The following KCNJ6 variants were observed in gnomAD, a reference collection of about 807,000 sequenced individuals.
KCNJ6 encodes G protein-activated inward rectifier potassium channel 2.
In KCNJ6, 9 loss-of-function variants were observed where a neutral mutation model predicts 34.2. That is an observed-to-expected ratio of 0.26 (90% CI 0.16 to 0.46). The LOEUF (loss-of-function observed/expected upper bound fraction) is 0.46, where lower values mean the gene tolerates loss of function less well. Ranked by LOEUF, KCNJ6 falls within the 20% of genes least tolerant of loss-of-function variation. The probability of loss-of-function intolerance (pLI) is 1.00; values close to 1 mark genes in which losing one functional copy is unlikely to be tolerated. For synonymous variants in KCNJ6, 196 were observed against 207.1 expected, an observed-to-expected ratio of 0.95 and a Z score of 0.46; for missense variants, 236 against 531.3, an observed-to-expected ratio of 0.44 and a Z score of 5.46.
chr21:37,791,362 C>T (rs952166559), intron 2 of KCNJ6, among the ~76,000 whole-genome samples: 2 of 152,234 alleles, frequency 1.3e-5, no homozygotes, highest in African/African-American at 4.8e-5. Context: ...GCACTTTCAT[C>T]ATCTGACTAT....
chr21:37,905,378 G>A (rs138736196), intron 1 of KCNJ6, among the ~76,000 whole-genome samples: 31 of 152,230 alleles, frequency 2.0e-4, no homozygotes, highest in African/African-American at 5.5e-4. Flanking sequence ...GTACCATGCC[G>A]ATGCGTGGCG....
At chr21:37,729,433 C>A (rs1438884827) in intron 2 of KCNJ6, among the ~76,000 whole-genome samples, 1 of 152,166 alleles carries the variant, frequency 6.6e-6, no homozygotes, top group Non-Finnish European at 1.5e-5. Context: ...AAGCAATCCT[C>A]CCACCTCAGC....
intron 3 of KCNJ6, among the ~76,000 whole-genome samples, chr21:37,699,682 G>C (rs1303734452): frequency 1.3e-5 from 2 of 152,170 alleles, no homozygotes. Context: ...CTTTAAAAAG[G>C]GGCACAGGGA....
intron 3 of KCNJ6, among the ~76,000 whole-genome samples, chr21:37,644,357 T>C (rs1321849850): frequency 6.6e-6 from 1 of 152,212 alleles, no homozygotes. Context: ...AACCTGCACA[T>C]GTACCCCTGA....
At chr21:37,734,847 G>T (rs922170431) in intron 2 of KCNJ6, among the ~76,000 whole-genome samples, 1 of 152,096 alleles carries the variant, frequency 6.6e-6, no homozygotes, top group African/African-American at 2.4e-5. Context: ...ATATATAATT[G>T]CTTAAATGTG....
At chr21:37,841,007 G>T (rs1249884810) in intron 1 of KCNJ6, among the ~76,000 whole-genome samples, 1 of 152,066 alleles carries the variant, frequency 6.6e-6, no homozygotes, top group Non-Finnish European at 1.5e-5. Context: ...TTTGACACTG[G>T]ATTTTTGACA....
At chr21:37,792,786 C>T (rs555884762) in intron 2 of KCNJ6, among the ~76,000 whole-genome samples, 2 of 152,288 alleles carry the variant, frequency 1.3e-5, no homozygotes, top group South Asian at 4.1e-4. Flanking sequence ...GTAAAGATTA[C>T]AGGACAGAAG....
chr21:37,672,181 TC>T (rs2054545322), intron 3 of KCNJ6, among the ~76,000 whole-genome samples: 1 of 152,098 alleles, frequency 6.6e-6, no homozygotes, highest in African/African-American at 2.4e-5. Context: ...CATCTGCTTG[TC>T]CCCAGTGATT....
In KCNJ6 at chr21:37,617,127, CCTT is replaced by C. The variant is rs1468566689; in HGVS notation, c.*8029_*8031del. The C allele has an allele frequency of 8.1e-6, 1 of 122,922 alleles. No individual in the cohort carries two copies. The highest frequency in any genetic ancestry group is 1.7e-5 in the Non-Finnish European group (1 of 60,490). 7.6% of individuals were successfully genotyped at this position (122,922 alleles called of 1,614,324 possible). A position where few individuals can be genotyped will look rare whatever the true frequency, so the allele number is the denominator to read the frequency against. ...TTCTTTCTTTCCTTCTTCCTTCCTT[CCTT>C]CTTTCTTTCCTTCCTTCCTTCCTTC... On this transcript the variant is annotated 3_prime_UTR_variant, in exon 4 of 4. Transcript: ENST00000609713.
chr21:37,649,132 C>CAA lies in KCNJ6; in HGVS notation c.947-23650_947-23649dup, dbSNP rs1169306298. On this transcript the variant is annotated intron_variant, in intron 3 of 3. Transcript: ENST00000609713. ...TGGGTGACAGAGTGAGACTCCATCT[C>CAA]AAAAAAAAAAAAAAAAAAAAAAGAA... Among the ~76,000 whole-genome samples, 246 of 39,508 alleles carry CAA rather than the reference C, an allele frequency of 6.2e-3. 1 individual carries two copies. The highest frequency in any genetic ancestry group is 0.013 in the African/African-American group (150 of 11,624). 25.9% of individuals were successfully genotyped at this position (39,508 alleles called of 152,430 possible). A position where few individuals can be genotyped will look rare whatever the true frequency, so the allele number is the denominator to read the frequency against.
chr21:37,857,987 C>A (rs1305895421), intron 1 of KCNJ6, among the ~76,000 whole-genome samples: 1 of 151,994 alleles, frequency 6.6e-6, no homozygotes, highest in Non-Finnish European at 1.5e-5. Flanking sequence ...AAATATCAAA[C>A]TGAAAATGAC....
chr21:37,717,806 CA>C (rs2054801643), intron 2 of KCNJ6, among the ~76,000 whole-genome samples: 1 of 152,156 alleles, frequency 6.6e-6, no homozygotes, highest in East Asian at 1.9e-4. Flanking sequence ...GAGGGTTTGT[CA>C]AATTAGCTGA....
At chr21:37,862,439 T>C (rs2055599382) in intron 1 of KCNJ6, among the ~76,000 whole-genome samples, 1 of 152,252 alleles carries the variant, frequency 6.6e-6, no homozygotes, top group Non-Finnish European at 1.5e-5. Flanking sequence ...GGACCAAGTA[T>C]CTAGCTGTGC....
rs2054780009 is a variant in KCNJ6, at chr21:37,714,643, A to G, written c.514T>C (p.Leu172=). ...ATGGACCCCAACACAGATTGGATTA[A>G]GAGAAGAATAATTCCCTCTGGGCAT... ...DKCPEGIILL[L]IQSVLGSIVN... Residue 172 remains leucine (L), a synonymous_variant, in exon 3 of 4, where the codon TTA becomes CTA. Coordinates refer to ENST00000609713, the MANE Select transcript of KCNJ6 (RefSeq NM_002240.5). This position sits in a 1 kb window ranked among gnomAD's most constrained non-coding sequence, Gnocchi z 5.9. 1.9e-6 allele frequency: 3 copies of G among 1,614,056 alleles called. No individual in the cohort carries two copies. The highest frequency in any genetic ancestry group is 1.7e-6 in the Non-Finnish European group (2 of 1,180,032).
At chr21:37,633,025 A>C (rs1383869309) in intron 3 of KCNJ6, among the ~76,000 whole-genome samples, 1 of 152,134 alleles carries the variant, frequency 6.6e-6, no homozygotes, top group Non-Finnish European at 1.5e-5. Flanking sequence ...AATATAGTAC[A>C]AGAAAGAGAG....
intron 3 of KCNJ6, among the ~76,000 whole-genome samples, chr21:37,633,954 CT>C (rs2054345380): frequency 1.3e-5 from 2 of 152,072 alleles, no homozygotes; most frequent in South Asian, 4.1e-4. Flanking sequence ...TTGACAAATC[CT>C]TTCTTACACC....
In KCNJ6 at chr21:37,884,112, G is replaced by A. The variant is rs777395252; in HGVS notation, c.-28+31772C>T. Among the ~76,000 whole-genome samples, 12 of 152,276 alleles carry A rather than the reference G, an allele frequency of 7.9e-5. 1 individual carries two copies. The highest frequency in any genetic ancestry group is 6.2e-4 in the South Asian group (3 of 4,830). On this transcript the variant is annotated intron_variant, in intron 1 of 3. Transcript: ENST00000609713. The stretch of plus-strand genomic sequence containing the variant: ...ATGAAGTCACCTTACTACTTTGCTC[G>A]TGTAGAAATCTTTCTACTCGGGGAA...
chr21:37,732,173 A>G (rs1257334689), intron 2 of KCNJ6, among the ~76,000 whole-genome samples: 1 of 138,622 alleles, frequency 7.2e-6, no homozygotes. Context: ...GGGATTGGGA[A>G]GAAACAGAAT....
At chr21:37,807,948 G>A (rs536970160) in intron 2 of KCNJ6, among the ~76,000 whole-genome samples, 27 of 152,268 alleles carry the variant, frequency 1.8e-4, no homozygotes, top group South Asian at 4.1e-4. Flanking sequence ...GATAGGGGGC[G>A]AGCATGTCCT....
Sources: allele counts gnomAD v4.1 joint callset (sites outside exome capture counted in the v4.1 genomes callset), GRCh38; gene constraint gnomAD v4.1.1; non-coding constraint Gnocchi (gnomAD v3.1); transcripts MANE v1.5; gene names NCBI Gene and HGNC (gene_info 2026-07-23, HGNC 2026-07-21).